AQP11: variants seen among roughly 807,000 people sequenced by gnomAD.
AQP11 encodes the protein aquaporin 11, also known as aquaporin-11.
In AQP11, 20 loss-of-function variants were observed where a neutral mutation model predicts 21.1. That is an observed-to-expected ratio of 0.95 (90% CI 0.67 to 1.38). The LOEUF (loss-of-function observed/expected upper bound fraction) is 1.38, where lower values mean the gene tolerates loss of function less well. AQP11 is among the 40% of genes most tolerant of loss of function. The pLI is 0.00. For missense variants in AQP11, 339 were observed against 340.4 expected, an observed-to-expected ratio of 1.00 and a Z score of 0.03; for synonymous variants, 167 against 150.1, an observed-to-expected ratio of 1.11 and a Z score of -0.82.
chr11:77,599,883 G>A (rs1049021148), intron 1 of AQP11, among the ~76,000 whole-genome samples: 7 of 152,054 alleles, frequency 4.6e-5, no homozygotes, highest in Non-Finnish European at 1.0e-4. Flanking sequence ...ATCAAACCCA[G>A]GCCCAAACTC....
chr11:77,594,493 A>G (rs565560037), intron 1 of AQP11, among the ~76,000 whole-genome samples: 8 of 152,346 alleles, frequency 5.3e-5, no homozygotes, highest in African/African-American at 1.9e-4. Context: ...TTCTATGGCT[A>G]TAAGTCATAA....
chr11:77,607,262 AAAG>A (rs752579821), intron 2 of AQP11, among the ~76,000 whole-genome samples: 2 of 152,216 alleles, frequency 1.3e-5, no homozygotes, highest in Admixed American at 6.5e-5. Context: ...ATAACTCTGA[AAAG>A]AATGGGAAAA....
At position 77,604,743 on chromosome 11, in the gene AQP11, CATATTGTTATGCTCA is replaced by C. The variant is rs549725802; in HGVS notation, c.736+1090_736+1104del. ...TTAATGTTATTGTTATGCTCAATAT[CATATTGTTATGCTCA>C]ATATTGTTATGCTCAATAATATCTA... On this transcript the variant is annotated intron_variant, in intron 2 of 2. Coordinates refer to ENST00000313578, the MANE Select transcript of AQP11 (RefSeq NM_173039.3). Among the ~76,000 whole-genome samples, 22 of 152,244 alleles carry C rather than the reference CATATTGTTATGCTCA, an allele frequency of 1.4e-4. No individual in the cohort carries two copies. The East Asian group carries it at 3.5e-3, about 24-fold the overall frequency.
intron 1 of AQP11, among the ~76,000 whole-genome samples, chr11:77,596,449 A>AT (rs1185674875): frequency 3.6e-5 from 4 of 110,966 alleles, no homozygotes; most frequent in African/African-American, 1.2e-4. Context: ...TCAATTAAAA[A>AT]AAAAAAATAT....
Position 77,589,972 on chromosome 11 carries a change from C to G in AQP11, c.-21C>G. The G allele has an allele frequency of 6.9e-7, 1 of 1,458,594 alleles. No homozygotes were observed. The highest frequency in any genetic ancestry group is 9.0e-7 in the Non-Finnish European group (1 of 1,112,978). The allele number at this position is 1,458,594 out of a possible 1,614,324, so 90.4% of individuals were successfully genotyped here. On this transcript the variant is annotated 5_prime_UTR_variant, in exon 1 of 3. Coordinates refer to ENST00000313578, the MANE Select transcript of AQP11 (RefSeq NM_173039.3). ...CTACCCAGAGCCGGAGCCCGCAACC[C>G]GCTCAGGCGGCGACGGAGCCATGTC... is the stretch of plus-strand genomic sequence containing the variant.
chr11:77,603,020 C>A (rs1403665977), intron 1 of AQP11, among the ~76,000 whole-genome samples: 1 of 152,180 alleles, frequency 6.6e-6, no homozygotes, highest in East Asian at 1.9e-4. Flanking sequence ...AAGTAGCCAA[C>A]AGTTATAATT....
intron 2 of AQP11, among the ~76,000 whole-genome samples, chr11:77,605,061 C>T (rs903368927): frequency 6.6e-5 from 10 of 152,000 alleles, no homozygotes; most frequent in African/African-American, 2.4e-4. Context: ...GTCGTGGTGG[C>T]GGGCACCTGT....
intron 1 of AQP11, chr11:77,591,438 T>C (rs1194134338): frequency 1.8e-6 from 1 of 563,314 alleles, no homozygotes; most frequent in Non-Finnish European, 2.2e-6. Flanking sequence ...ATCTAAATTA[T>C]AAAAGACTGT....
Position 77,589,958 on chromosome 11 carries a change from C to T in AQP11, c.-35C>T. The T allele has an allele frequency of 2.8e-6, 4 of 1,437,824 alleles. No homozygotes were observed. Among genetic ancestry groups the T allele is most frequent in the Non-Finnish European group, 3.6e-6 (4 of 1,102,962 alleles). The allele number at this position is 1,437,824 out of a possible 1,614,324, so 89.1% of individuals were successfully genotyped here. A position where few individuals can be genotyped will look rare whatever the true frequency, so the allele number is the denominator to read the frequency against. ...CTGGAGACCGCCTCCTACCCAGAGC[C>T]GGAGCCCGCAACCCGCTCAGGCGGC... is the stretch of plus-strand genomic sequence containing the variant. On this transcript the variant is annotated 5_prime_UTR_variant, in exon 1 of 3. Coordinates refer to ENST00000313578, the MANE Select transcript of AQP11 (RefSeq NM_173039.3).
In AQP11 at chr11:77,590,464, C is replaced by A. The variant is rs1320262703; in HGVS notation, c.472C>A (p.Pro158Thr). Residue 158 changes from proline to threonine, a missense_variant, in exon 1 of 3, where the codon CCC (proline) becomes ACC (threonine). Physicochemically the swap from Pro to Thr is conservative, Grantham distance 38. Coordinates refer to ENST00000313578, the MANE Select transcript of AQP11 (RefSeq NM_173039.3). ...VSERSFACKN[P>T]IRVDLLKAVI... ...CGAGAGGAGCTTCGCTTGCAAGAATCCCATCCGAGTCGACTTGCTCAAAGC... is the reference window on the plus strand; with the variant it reads ...CGAGAGGAGCTTCGCTTGCAAGAATACCATCCGAGTCGACTTGCTCAAAGC... 4 of 1,614,036 alleles carry A rather than the reference C, an allele frequency of 2.5e-6. No individual in the cohort carries two copies. In the East Asian group the frequency reaches 6.7e-5, roughly 27 times the overall value.
intron 1 of AQP11, among the ~76,000 whole-genome samples, chr11:77,597,531 C>A (rs1958790491): frequency 6.6e-6 from 1 of 152,084 alleles, no homozygotes; most frequent in Admixed American, 6.5e-5. Flanking sequence ...GAGATTGCAC[C>A]ACTGCACTCC....
rs74854928 is a variant in AQP11, at chr11:77,590,424, C to A, written c.432C>A (p.Thr144=). The A allele has an allele frequency of 3.5e-4, 566 of 1,614,006 alleles. 3 individuals carry two copies. In the East Asian group the frequency reaches 0.011, roughly 30 times the overall value. The stretch of plus-strand genomic sequence containing the variant: ...GCGCCTTGTGGAGCTTGGGTCTGAC[C>A]CAGTATCACGTCAGCGAGAGGAGCT... ...CTSALWSLGL[T]QYHVSERSFA... is the part of the protein sequence containing the mutation. The change falls in exon 1 of 3, where the codon ACC becomes ACA. Residue 144 remains threonine (T), a synonymous_variant. Transcript: ENST00000313578.
At chr11:77,608,393 G>C (rs898456627) in intron 2 of AQP11, among the ~76,000 whole-genome samples, 2 of 152,092 alleles carry the variant, frequency 1.3e-5, no homozygotes, top group East Asian at 1.9e-4. Flanking sequence ...GAGGCCAAGG[G>C]GGGTGGATCA....
At chr11:77,607,274 A>AAAAT (rs1283000450) in intron 2 of AQP11, among the ~76,000 whole-genome samples, 1 of 152,228 alleles carries the variant, frequency 6.6e-6, no homozygotes, top group East Asian at 1.9e-4. Context: ...AGAATGGGAA[A>AAAAT]AAATAAATTA....
chr11:77,608,363 C>T (rs546464279), intron 2 of AQP11, among the ~76,000 whole-genome samples: 19 of 152,290 alleles, frequency 1.2e-4, no homozygotes, highest in African/African-American at 3.6e-4. Flanking sequence ...CAACTTACGC[C>T]TGTAATCCTA....
At chr11:77,594,763 C>G (rs935426469) in intron 1 of AQP11, among the ~76,000 whole-genome samples, 14 of 152,076 alleles carry the variant, frequency 9.2e-5, no homozygotes, top group Non-Finnish European at 1.6e-4. Flanking sequence ...GCCACAGGCT[C>G]CTAAGGATAG....
chr11:77,602,145 T>C (rs1360854287), intron 1 of AQP11, among the ~76,000 whole-genome samples: 1 of 152,152 alleles, frequency 6.6e-6, no homozygotes, highest in Non-Finnish European at 1.5e-5. Context: ...CGTTTGAGTT[T>C]TAGGATGGCA....
chr11:77,604,961 A>G (rs1041403904), intron 2 of AQP11, among the ~76,000 whole-genome samples: 5 of 152,180 alleles, frequency 3.3e-5, no homozygotes, highest in Non-Finnish European at 7.3e-5. Context: ...TGGGAGGCCG[A>G]GGCAGGCAGA....
intron 1 of AQP11, among the ~76,000 whole-genome samples, chr11:77,603,088 A>G (rs7930988): frequency 0.18 from 27,503 of 152,204 alleles, 3,176 homozygotes; most frequent in African/African-American, 0.31. Flanking sequence ...TTGACAAGTA[A>G]AAATAGAACC....
Sources: gnomAD v4.1 joint callset for allele counts (sites outside exome capture counted in the v4.1 genomes callset) on GRCh38, gnomAD v4.1.1 for gene constraint, MANE v1.5 for transcripts, NCBI Gene and HGNC (gene_info 2026-07-23, HGNC 2026-07-21) for gene names.